Variants in ANKRD33B observed in about 807,000 individuals in gnomAD.
ANKRD33B encodes the protein ankyrin repeat domain 33B, also known as ankyrin repeat domain-containing protein 33B.
Under a neutral mutation model 21.5 loss-of-function variants are expected in ANKRD33B, and 6 were observed. That is an observed-to-expected ratio of 0.28 (90% CI 0.15 to 0.55). The LOEUF (loss-of-function observed/expected upper bound fraction) is 0.55. Ranked by LOEUF, ANKRD33B falls within the 20% of genes least tolerant of loss-of-function variation. The probability of loss-of-function intolerance (pLI) is 0.94; values close to 1 mark genes in which losing one functional copy is unlikely to be tolerated. For missense variants in ANKRD33B, 698 were observed against 747.2 expected (o/e 0.93, Z 0.77); for synonymous variants, 347 against 342.4 (o/e 1.01, Z -0.15).
At chr5:10,569,181 A>G (rs1735121650) in intron 1 of ANKRD33B, among the ~76,000 whole-genome samples, 1 of 152,226 alleles carries the variant, frequency 6.6e-6, no homozygotes, top group Admixed American at 6.5e-5. Context: ...GTGCACAGCA[A>G]CGGGCTGACT....
chr5:10,571,278 T>G (rs2126544453), intron 1 of ANKRD33B, among the ~76,000 whole-genome samples: 1 of 152,288 alleles, frequency 6.6e-6, no homozygotes, highest in South Asian at 2.1e-4. Flanking sequence ...CTCGGCCCAC[T>G]GCAACCTCCA....
intron 1 of ANKRD33B, among the ~76,000 whole-genome samples, chr5:10,594,453 G>C (rs58801629): frequency 6.6e-6 from 1 of 152,012 alleles, no homozygotes; most frequent in African/African-American, 2.4e-5. Flanking sequence ...CCCAACCTCA[G>C]CTGATCTGCC....
intron 2 of ANKRD33B, among the ~76,000 whole-genome samples, chr5:10,622,593 T>C (rs1378066197): frequency 6.6e-6 from 1 of 152,224 alleles, no homozygotes. Flanking sequence ...TCTAAGAATA[T>C]GGATTGTTAA....
rs1468543423 is a variant in ANKRD33B, at chr5:10,654,204, CTG to C, written c.*4094_*4095del. 1 of 152,460 alleles carries C rather than the reference CTG, an allele frequency of 6.6e-6. No individual in the cohort carries two copies. Among genetic ancestry groups the C allele is most frequent in the Non-Finnish European group, 1.5e-5 (1 of 68,132 alleles). 9.4% of individuals were successfully genotyped at this position (152,460 alleles called of 1,614,324 possible). On this transcript the variant is annotated 3_prime_UTR_variant, in exon 4 of 4. Coordinates refer to ENST00000296657, the MANE Select transcript of ANKRD33B (RefSeq NM_001164440.2). ...GAATGAATGGCAGGCCTGCCAGTGA[CTG>C]TGCTGATGGCTTAGAATTCCTACAC...
At chr5:10,615,035 C>G (rs1196276898) in intron 1 of ANKRD33B, among the ~76,000 whole-genome samples, 1 of 152,046 alleles carries the variant, frequency 6.6e-6, no homozygotes, top group Non-Finnish European at 1.5e-5. Context: ...TGCTATTAGT[C>G]CAGAGCAGAA....
chr5:10,634,715 C>G (rs1736813355), intron 2 of ANKRD33B, among the ~76,000 whole-genome samples: 1 of 151,430 alleles, frequency 6.6e-6, no homozygotes. Context: ...CTTGGCCTCC[C>G]AAAGTGCTGG....
chr5:10,586,485 CTGTGTGTGTGTGTGTGTGTGTGTGTG>C (rs55940283), intron 1 of ANKRD33B, among the ~76,000 whole-genome samples: 5 of 140,416 alleles, frequency 3.6e-5, no homozygotes, highest in South Asian at 2.4e-4. Context: ...GTTCTTGTAA[CTGTGTGTGTGTGTGTGTGTGTGTGTG>C]TGTGTGTGTG....
intron 1 of ANKRD33B, among the ~76,000 whole-genome samples, chr5:10,593,299 C>CT (rs570562077): frequency 6.3e-4 from 96 of 151,940 alleles, no homozygotes; most frequent in Middle Eastern, 6.8e-3. Context: ...GCTCTGTTTA[C>CT]TTTTTTTTAA....
rs1283396901 is a variant in ANKRD33B, at chr5:10,622,804, T to TG, written c.496+4342_496+4343insG. Among the ~76,000 whole-genome samples, 20 of 146,340 alleles carry TG rather than the reference T, an allele frequency of 1.4e-4. 1 individual carries two copies. Among genetic ancestry groups the TG allele is most frequent in the Non-Finnish European group, 1.9e-4 (13 of 67,190 alleles). On this transcript the variant is annotated intron_variant, in intron 2 of 3. Coordinates refer to ENST00000296657, the MANE Select transcript of ANKRD33B (RefSeq NM_001164440.2). ...TGTTTTTTGTTTTTGCTTTATTTTA[T>TG]TTTATTTTTTTTTTTTTCTGGCTTG...
chr5:10,620,005 C>CA (rs1248944797), intron 2 of ANKRD33B, among the ~76,000 whole-genome samples: 1 of 152,042 alleles, frequency 6.6e-6, no homozygotes, highest in Non-Finnish European at 1.5e-5. Flanking sequence ...GTCTTAGGGA[C>CA]AGTGTAGGTG....
intron 1 of ANKRD33B, among the ~76,000 whole-genome samples, chr5:10,600,746 A>G (rs1377909052): frequency 6.6e-6 from 1 of 152,152 alleles, no homozygotes; most frequent in Non-Finnish European, 1.5e-5. Context: ...CCAGTTTCCC[A>G]GTGTGGTTCT....
intron 2 of ANKRD33B, among the ~76,000 whole-genome samples, chr5:10,631,582 C>T (rs1736710984): frequency 6.6e-6 from 1 of 152,210 alleles, no homozygotes; most frequent in Non-Finnish European, 1.5e-5. Flanking sequence ...CAGACCCTTC[C>T]AGGGGCAGAA....
At chr5:10,589,732 T>C (rs916530178) in intron 1 of ANKRD33B, among the ~76,000 whole-genome samples, 3 of 152,230 alleles carry the variant, frequency 2.0e-5, no homozygotes, top group African/African-American at 7.2e-5. Context: ...TTTTCTAATT[T>C]GTCATTTAAA....
intron 1 of ANKRD33B, among the ~76,000 whole-genome samples, chr5:10,587,857 G>T (rs1735601580): frequency 6.6e-6 from 1 of 151,958 alleles, no homozygotes; most frequent in Non-Finnish European, 1.5e-5. Flanking sequence ...GTAATTTTGG[G>T]TCTTTTTTGT....
chr5:10,643,819 CA>C (rs374365829), intron 3 of ANKRD33B, among the ~76,000 whole-genome samples: 1,291 of 89,572 alleles, frequency 0.014, 6 homozygotes, highest in African/African-American at 0.023. Flanking sequence ...GACTCTGTCT[CA>C]AAAAAAAAAA....
intron 3 of ANKRD33B, among the ~76,000 whole-genome samples, chr5:10,645,214 A>G (rs998820599): frequency 6.6e-6 from 1 of 151,980 alleles, no homozygotes; most frequent in Non-Finnish European, 1.5e-5. Context: ...GCACAAGGGG[A>G]GGCAGTGAGG....
chr5:10,569,643 T>C (rs942454295), intron 1 of ANKRD33B, among the ~76,000 whole-genome samples: 1 of 138,036 alleles, frequency 7.2e-6, no homozygotes, highest in African/African-American at 2.7e-5. Flanking sequence ...TGTATGCTAG[T>C]GTTTTAGTTG....
intron 3 of ANKRD33B, among the ~76,000 whole-genome samples, chr5:10,638,608 T>C (rs1736931621): frequency 6.6e-6 from 1 of 152,200 alleles, no homozygotes; most frequent in Non-Finnish European, 1.5e-5. Flanking sequence ...ATAGTAACGT[T>C]AGGAGGTGAT....
At chr5:10,637,061 G>A (rs182168723) in intron 2 of ANKRD33B, among the ~76,000 whole-genome samples, 15 of 152,318 alleles carry the variant, frequency 9.8e-5, no homozygotes, top group Middle Eastern at 3.4e-3. Context: ...AGGCTGGGAC[G>A]GACCCTGCTC....
Sources: gnomAD v4.1 joint callset for allele counts (sites outside exome capture counted in the v4.1 genomes callset) on GRCh38, gnomAD v4.1.1 for gene constraint, MANE v1.5 for transcripts, NCBI Gene and HGNC (gene_info 2026-07-23, HGNC 2026-07-21) for gene names.